Variants in ART3 observed in about 807,000 individuals in gnomAD.
ART3 encodes ecto-ADP-ribosyltransferase 3.
In ART3, 49 loss-of-function variants were observed where a neutral mutation model predicts 48.5. The observed-to-expected ratio is 1.01, with a 90% CI of 0.80 to 1.28. The LOEUF (loss-of-function observed/expected upper bound fraction) is 1.28. ART3 is among the 50% of genes most tolerant of loss of function. The pLI is 0.00. For synonymous variants in ART3, 145 were observed against 157.2 expected (o/e 0.92, Z 0.58); for missense variants, 438 against 454.3 (o/e 0.96, Z 0.33).
chr4:76,080,708 A>G, intron 2 of ART3, among the ~76,000 whole-genome samples: 1 of 147,642 alleles, frequency 6.8e-6, no homozygotes, highest in South Asian at 2.2e-4. Context: ...ATGGGGTTTC[A>G]TCATGTTAGC....
chr4:76,068,164 T>C (rs978637417), intron 1 of ART3, among the ~76,000 whole-genome samples: 1 of 152,200 alleles, frequency 6.6e-6, no homozygotes, highest in Non-Finnish European at 1.5e-5. Flanking sequence ...ATTTGCCTTA[T>C]TTAGGTATGA....
At chr4:76,045,901 C>G (rs1365762740) in intron 1 of ART3, among the ~76,000 whole-genome samples, 1 of 152,022 alleles carries the variant, frequency 6.6e-6, no homozygotes, top group African/African-American at 2.4e-5. Flanking sequence ...GTATTCATTC[C>G]TTGCTGAGGG....
At chr4:76,069,724 G>A (rs754454640), upstream of ART3, among the ~76,000 whole-genome samples, 5 of 151,974 alleles carry the variant, frequency 3.3e-5, no homozygotes, top group Non-Finnish European at 7.4e-5. Flanking sequence ...ATATTCCAGT[G>A]TGTGGGTATA....
chr4:76,049,641 C>T (rs968459100), intron 1 of ART3, among the ~76,000 whole-genome samples: 5 of 89,268 alleles, frequency 5.6e-5, no homozygotes, highest in Admixed American at 2.9e-4. Context: ...ATTTAGCCCC[C>T]GAAATTTTAA....
rs746181838 is a variant in ART3, at chr4:76,107,794, G to T, written c.1036+1G>T. 4.1e-6 allele frequency: 6 copies of T among 1,473,148 alleles called. No individual in the cohort carries two copies. The South Asian group carries it at 7.6e-5, about 19-fold the overall frequency. 91.3% of individuals were successfully genotyped at this position (1,473,148 alleles called of 1,614,324 possible). A position where few individuals can be genotyped will look rare whatever the true frequency, so the allele number is the denominator to read the frequency against. ...AGTCAAGGAAATATCAACAATCCTA[G>T]TAAGAAGTATCTCATTTCCTCAGTT... On this transcript the variant is annotated splice_donor_variant, in intron 11 of 11. Transcript: ENST00000355810. LOFTEE classifies it high-confidence loss of function.
chr4:76,088,510 T>G (rs1560634276), intron 3 of ART3, among the ~76,000 whole-genome samples: 1 of 152,106 alleles, frequency 6.6e-6, no homozygotes, highest in Non-Finnish European at 1.5e-5. Context: ...GGAAAGAAGG[T>G]GAGCCTACAG....
chr4:76,111,545 A>G (rs896456435), intron 11 of ART3, among the ~76,000 whole-genome samples: 10 of 151,154 alleles, frequency 6.6e-5, no homozygotes, highest in Non-Finnish European at 1.3e-4. Context: ...AATACAGTTT[A>G]TTTATTTATT....
chr4:76,022,793 C>T lies in ART3; in HGVS notation c.-10+11473C>T, dbSNP rs759079472. The T allele has an allele frequency of 8.1e-6, 13 of 1,611,602 alleles. No homozygotes were observed. The highest frequency in any genetic ancestry group is 5.3e-5 in the African/African-American group (4 of 74,886). On this transcript the variant is annotated intron_variant, in intron 1 of 9. Transcript: ENST00000341029. Reference sequence around the variant, plus strand: ...ATTACTAATGCTGATGCAGGTACAGCGTACAGTTCTAGAGAGAGGTACTCC... The same window carrying T: ...ATTACTAATGCTGATGCAGGTACAGTGTACAGTTCTAGAGAGAGGTACTCC...
chr4:76,015,268 TAAC>T (rs1179021203), intron 1 of ART3, among the ~76,000 whole-genome samples: 1 of 152,128 alleles, frequency 6.6e-6, no homozygotes, highest in Non-Finnish European at 1.5e-5. Context: ...TCTGTGACAA[TAAC>T]AATTGTCAAA....
chr4:76,035,121 T>C (rs774299891), intron 1 of ART3: 2 of 1,572,952 alleles, frequency 1.3e-6, no homozygotes, highest in East Asian at 2.4e-5. Context: ...AGGGTAATAC[T>C]GTTAAAAGAA....
chr4:76,105,658 C>T lies in ART3; in HGVS notation c.1003+1029C>T, dbSNP rs1728311182. On this transcript the variant is annotated intron_variant, in intron 10 of 11. Transcript: ENST00000355810. The stretch of plus-strand genomic sequence containing the variant: ...ATGGGGTCTGGGGAAGACATCTGGG[C>T]TGTACACTTTCCGATATCCCAGTCT... 2.7e-6 allele frequency: 3 copies of T among 1,094,946 alleles called. No homozygotes were observed. In the African/African-American group the frequency reaches 5.0e-5, roughly 18 times the overall value. The allele number at this position is 1,094,946 out of a possible 1,614,324, so 67.8% of individuals were successfully genotyped here. A position where few individuals can be genotyped will look rare whatever the true frequency, so the allele number is the denominator to read the frequency against.
At chr4:76,023,858 T>A (rs535423307) in intron 1 of ART3, among the ~76,000 whole-genome samples, 1 of 152,200 alleles carries the variant, frequency 6.6e-6, no homozygotes, top group South Asian at 2.1e-4. Context: ...TTTCAAAATA[T>A]CCCCAGTAAT....
chr4:76,080,995 A>G (rs1722341508), intron 2 of ART3, among the ~76,000 whole-genome samples: 1 of 152,162 alleles, frequency 6.6e-6, no homozygotes, highest in South Asian at 2.1e-4. Flanking sequence ...ATTTAGTTGT[A>G]TGTGGTATTA....
At chr4:76,023,244 A>C in intron 1 of ART3, 1 of 667,516 alleles carries the variant, frequency 1.5e-6, no homozygotes, top group Non-Finnish European at 2.6e-6. Flanking sequence ...GGGAATCTCT[A>C]TTTATTTCCC....
At position 76,107,786 on chromosome 4, in the gene ART3, C is replaced by G; in HGVS notation, c.1029C>G (p.Asn343Lys). 6.8e-7 allele frequency: 1 copy of G among 1,476,736 alleles called. No individual in the cohort carries two copies. The highest frequency in any genetic ancestry group is 9.2e-7 in the Non-Finnish European group (1 of 1,086,148). 91.5% of individuals were successfully genotyped at this position (1,476,736 alleles called of 1,614,324 possible). The change falls in exon 11 of 12, where the codon AAC becomes AAG. Residue 343 changes from asparagine to lysine, a missense_variant. Asn to Lys is a moderately conservative substitution (Grantham distance 94). This residue lies in a region of ART3 where 227 missense variants were observed against 229.6 expected (regional missense o/e 0.99). Coordinates refer to ENST00000355810, the MANE Select transcript of ART3 (RefSeq NM_001130016.3). ...AAGATAAAAGTCAAGGAAATATCAA[C>G]AATCCTAGTAAGAAGTATCTCATTT... ...LPEDKSQGNI[N>K]NPTPGPVPVP...
chr4:76,105,865 T>C (rs980748445), intron 10 of ART3: 56 of 985,236 alleles, frequency 5.7e-5, no homozygotes, highest in Non-Finnish European at 5.9e-5. Flanking sequence ...TCTGTAGACA[T>C]AGAAATAGCA....
chr4:76,096,494 T>G (rs1266532991), intron 3 of ART3, among the ~76,000 whole-genome samples: 2 of 152,210 alleles, frequency 1.3e-5, no homozygotes, highest in African/African-American at 2.4e-5. Context: ...CCTCCTCAGG[T>G]AGCTGAACTT....
chr4:76,040,269 G>A (rs757879882), intron 1 of ART3, among the ~76,000 whole-genome samples: 1 of 152,124 alleles, frequency 6.6e-6, no homozygotes, highest in Non-Finnish European at 1.5e-5. Flanking sequence ...AAGTTGCAGC[G>A]AGCCAAGATC....
intron 1 of ART3, among the ~76,000 whole-genome samples, chr4:76,066,674 A>G (rs928860140): frequency 1.3e-5 from 2 of 152,092 alleles, no homozygotes; most frequent in African/African-American, 4.8e-5. Flanking sequence ...ATGGGTGGTC[A>G]TGGGCAGGCC....
Sources: gnomAD v4.1 joint callset for allele counts (sites outside exome capture counted in the v4.1 genomes callset) on GRCh38, gnomAD v4.1.1 for gene constraint, gnomAD v4.1.1 regional missense constraint, MANE v1.5 for transcripts, NCBI Gene and HGNC (gene_info 2026-07-23, HGNC 2026-07-21) for gene names.